Variants in TMEM71 observed in about 807,000 individuals in gnomAD.
TMEM71 encodes transmembrane protein 71.
Under a neutral mutation model 38.0 loss-of-function variants are expected in TMEM71, and 44 were observed. The observed-to-expected ratio is 1.16, with a 90% CI of 0.91 to 1.49. TMEM71 has a LOEUF of 1.49. Among genes scored for constraint, TMEM71 ranks in the 40% most tolerant of loss-of-function variants. The probability of loss-of-function intolerance (pLI) is 0.00; values close to 1 mark genes in which losing one functional copy is unlikely to be tolerated. For synonymous variants in TMEM71, 133 were observed against 122.5 expected (o/e 1.09, Z -0.56); for missense variants, 367 against 348.6 (o/e 1.05, Z -0.42).
chr8:132,767,467 C>T, the TMEM71 span, among the ~76,000 whole-genome samples: 105 of 148,846 alleles, frequency 7.1e-4, 1 homozygote, highest in Non-Finnish European at 1.0e-4. Flanking sequence ...TGAGACATAC[C>T]TACCTCTTTG....
chr8:132,724,013 G>C (rs1162645862), intron 6 of TMEM71, among the ~76,000 whole-genome samples: 8 of 152,146 alleles, frequency 5.3e-5, no homozygotes, highest in African/African-American at 1.9e-4. Flanking sequence ...AAGTTTTATT[G>C]AGGATTTTAA....
Position 132,757,270 on chromosome 8 carries a change from T to C in TMEM71, c.65A>G (p.Tyr22Cys). ...VASSSRLERE[Y>C]AGELSPTCIF... ...GCACGTGGGAGACAGCTCTCCAGCA[T>C]ATTCTCTTTCCAACCTGGAAGAACC... is the stretch of plus-strand genomic sequence containing the variant. The change falls in exon 3 of 10, where the codon TAT (tyrosine) becomes TGT (cysteine). Residue 22 changes from tyrosine to cysteine, a missense_variant. Tyr to Cys is a radical substitution (Grantham distance 194). Coordinates refer to ENST00000677595, the MANE Select transcript of TMEM71 (RefSeq NM_001382403.1). 1 of 1,610,814 alleles carries C rather than the reference T, an allele frequency of 6.2e-7. No homozygotes were observed. Among genetic ancestry groups the C allele is most frequent in the Non-Finnish European group, 8.5e-7 (1 of 1,177,980 alleles).
chr8:132,746,412 C>CATATAT, intron 5 of TMEM71, among the ~76,000 whole-genome samples: 1 of 10,174 alleles, frequency 9.8e-5, no homozygotes, highest in Non-Finnish European at 3.4e-4. Context: ...TATATATATA[C>CATATAT]ACACACATAT....
At chr8:132,770,737 TACATGCGACAAAAAGAATCCTC>T in the TMEM71 span, among the ~76,000 whole-genome samples, 3,469 of 152,314 alleles carry the variant, frequency 0.023, 66 homozygotes, top group Non-Finnish European at 0.028. Context: ...AATTTTCTGT[TACATGCGACAAAAAGAATCCTC>T]ACACACTGCG....
the TMEM71 span, chr8:132,775,786 C>T: frequency 2.7e-4 from 62 of 230,946 alleles, no homozygotes; most frequent in African/African-American, 1.3e-3. Flanking sequence ...ATTGTCTGGG[C>T]GCCGCAGCTC....
chr8:132,723,111 GC>G (rs1483170686), intron 6 of TMEM71, among the ~76,000 whole-genome samples: 3 of 152,160 alleles, frequency 2.0e-5, no homozygotes, highest in Admixed American at 1.3e-4. Flanking sequence ...AACCTACTTA[GC>G]CCATAATGCG....
intron 4 of TMEM71, 41 bp downstream of exon 4, chr8:132,751,744 G>T: frequency 6.5e-7 from 1 of 1,541,906 alleles, no homozygotes; most frequent in Non-Finnish European, 9.0e-7. Flanking sequence ...TTAATGGATG[G>T]ATTGGACTTC....
At chr8:132,711,379 A>G (rs908355227) in intron 9 of TMEM71, among the ~76,000 whole-genome samples, 1 of 152,196 alleles carries the variant, frequency 6.6e-6, no homozygotes, top group African/African-American at 2.4e-5. Context: ...AAAACTTGGT[A>G]AAGAAAATGG....
chr8:132,767,720 C>T, the TMEM71 span, among the ~76,000 whole-genome samples: 11 of 152,120 alleles, frequency 7.2e-5, no homozygotes, highest in Non-Finnish European at 1.3e-4. Context: ...CATGATCTGC[C>T]CGCCTTGGCC....
the TMEM71 span, among the ~76,000 whole-genome samples, chr8:132,772,742 A>G: frequency 6.6e-6 from 1 of 152,328 alleles, no homozygotes; most frequent in African/African-American, 2.4e-5. Context: ...CATAAAAATC[A>G]TATATATTTC....
In TMEM71 at chr8:132,732,883, C is replaced by T. The variant is rs184775617; in HGVS notation, c.488-4897G>A. Among the ~76,000 whole-genome samples the T allele has an allele frequency of 1.1e-3, 163 of 152,258 alleles. 1 individual carries two copies. The highest frequency in any genetic ancestry group is 4.4e-3 in the Admixed American group (67 of 15,296). ...ACCCAACAGTGCACAGGGCAGGTGC[C>T]ACAACAAGACATTACCTGCCCACGA... On this transcript the variant is annotated intron_variant, in intron 5 of 9. Transcript: ENST00000677595.
chr8:132,740,645 C>G (rs761536759), intron 5 of TMEM71, among the ~76,000 whole-genome samples: 3 of 152,160 alleles, frequency 2.0e-5, no homozygotes, highest in Non-Finnish European at 4.4e-5. Flanking sequence ...AGAGCAGGAT[C>G]CATTCAGGAA....
chr8:132,762,066 T>C (rs1829306582), upstream of TMEM71, among the ~76,000 whole-genome samples: 2 of 152,210 alleles, frequency 1.3e-5, no homozygotes, highest in African/African-American at 4.8e-5. Flanking sequence ...TGACAAATGG[T>C]ATTTCAAGCC....
intron 5 of TMEM71, among the ~76,000 whole-genome samples, chr8:132,740,058 T>C (rs1191584848): frequency 6.6e-6 from 1 of 152,216 alleles, no homozygotes; most frequent in Non-Finnish European, 1.5e-5. Context: ...AAACAAGTTA[T>C]TCCTCAGCTC....
chr8:132,746,796 G>A, intron 5 of TMEM71, 146 bp downstream of exon 5: 1 of 569,542 alleles, frequency 1.8e-6, no homozygotes, highest in Non-Finnish European at 2.9e-6. Flanking sequence ...AATATAGAGA[G>A]AACTTTAAGT....
In TMEM71 at chr8:132,728,000, G is replaced by A; in HGVS notation, c.488-14C>T. 6.3e-7 allele frequency: 1 copy of A among 1,584,174 alleles called. No homozygotes were observed. The highest frequency in any genetic ancestry group is 2.3e-5 in the East Asian group (1 of 44,106). ...CTAAATCATCTGCTGAAAAAGCAGAGGGGTTCAGTGTGAGTGTGTGTGTGT... is the reference window on the plus strand; with the variant it reads ...CTAAATCATCTGCTGAAAAAGCAGAAGGGTTCAGTGTGAGTGTGTGTGTGT... On this transcript the variant is annotated splice_polypyrimidine_tract_variant and intron_variant, in intron 5 of 9. Transcript: ENST00000677595.
At chr8:132,717,612 A>T (rs1251274142) in intron 7 of TMEM71, among the ~76,000 whole-genome samples, 1 of 152,164 alleles carries the variant, frequency 6.6e-6, no homozygotes, top group Non-Finnish European at 1.5e-5. Context: ...GGATGAGGAA[A>T]ATTTGGATTC....
chr8:132,761,705 T>C (rs985761670), upstream of TMEM71, among the ~76,000 whole-genome samples: 1 of 152,180 alleles, frequency 6.6e-6, no homozygotes, highest in African/African-American at 2.4e-5. Context: ...TCCTTGTAAA[T>C]AAAGTAAGGC....
the TMEM71 span, among the ~76,000 whole-genome samples, chr8:132,768,602 C>A: frequency 6.6e-6 from 1 of 152,096 alleles, no homozygotes; most frequent in East Asian, 1.9e-4. Flanking sequence ...AGAAGGAAAA[C>A]CAAAGGGTGT....
Sources: gnomAD v4.1 joint callset for allele counts (sites outside exome capture counted in the v4.1 genomes callset) on GRCh38, gnomAD v4.1.1 for gene constraint, MANE v1.5 for transcripts, NCBI Gene and HGNC (gene_info 2026-07-23, HGNC 2026-07-21) for gene names.